Variants in FAM135B observed in about 807,000 individuals in gnomAD.
The protein encoded by FAM135B is family with sequence similarity 135 member B, also known as protein FAM135B.
In FAM135B, 43 loss-of-function variants were observed where a neutral mutation model predicts 127.7. The observed-to-expected ratio is 0.34, with a 90% CI of 0.26 to 0.43. FAM135B has a LOEUF of 0.43. Ranked by LOEUF, FAM135B falls within the 20% of genes least tolerant of loss-of-function variation. The pLI, the probability that FAM135B is intolerant of heterozygous loss-of-function variation, is 1.00. For synonymous variants in FAM135B, 670 were observed against 665.1 expected (o/e 1.01, Z -0.11); for missense variants, 1,558 against 1,725.6 (o/e 0.90, Z 1.72).
intron 1 of FAM135B, among the ~76,000 whole-genome samples, chr8:138,466,805 G>A (rs940522576): frequency 1.6e-4 from 25 of 152,126 alleles, no homozygotes; most frequent in Non-Finnish European, 3.5e-4. Context: ...AAAGTTTTAC[G>A]TCAACCTCAG....
At chr8:138,450,429 T>G (rs936673141) in intron 1 of FAM135B, 3 of 152,212 alleles carry the variant, frequency 2.0e-5, no homozygotes, top group African/African-American at 7.2e-5. Flanking sequence ...CCAAACTGCC[T>G]TCCACAGGGA....
At chr8:138,470,363 T>G (rs904219603) in intron 1 of FAM135B, among the ~76,000 whole-genome samples, 3 of 152,194 alleles carry the variant, frequency 2.0e-5, no homozygotes, top group Admixed American at 2.0e-4. Context: ...CATTTTATAT[T>G]TATACATTAA....
intron 1 of FAM135B, among the ~76,000 whole-genome samples, chr8:138,445,856 G>A (rs1009885822): frequency 6.6e-6 from 1 of 152,176 alleles, no homozygotes; most frequent in African/African-American, 2.4e-5. Context: ...AAAAGAGGAA[G>A]TCAAATTATC....
intron 1 of FAM135B, among the ~76,000 whole-genome samples, chr8:138,460,917 T>G (rs1837084469): frequency 6.6e-6 from 1 of 152,150 alleles, no homozygotes; most frequent in African/African-American, 2.4e-5. Context: ...AGATCTGGAC[T>G]GAGGTAGGGC....
At chr8:138,304,923 T>C (rs1255327673) in intron 3 of FAM135B, among the ~76,000 whole-genome samples, 1 of 152,172 alleles carries the variant, frequency 6.6e-6, no homozygotes, top group Non-Finnish European at 1.5e-5. Context: ...CTTCGCTTAA[T>C]CAGGAAGGCC....
chr8:138,398,133 G>A (rs1832948649), intron 1 of FAM135B, among the ~76,000 whole-genome samples: 1 of 152,136 alleles, frequency 6.6e-6, no homozygotes, highest in Admixed American at 6.5e-5. Flanking sequence ...GTGACCTTGG[G>A]GAAGCTGCTT....
chr8:138,142,147 C>G (rs779262613), intron 16 of FAM135B, among the ~76,000 whole-genome samples: 1 of 152,080 alleles, frequency 6.6e-6, no homozygotes, highest in East Asian at 1.9e-4. Context: ...GGGATTAGCA[C>G]TATGTCTACA....
chr8:138,174,609 A>C (rs960790591), intron 11 of FAM135B, among the ~76,000 whole-genome samples: 1 of 152,184 alleles, frequency 6.6e-6, no homozygotes, highest in Non-Finnish European at 1.5e-5. Flanking sequence ...ATCTTAGTCT[A>C]TGATTTATGT....
chr8:138,213,479 G>A (rs1057010363), intron 7 of FAM135B, among the ~76,000 whole-genome samples: 10 of 150,510 alleles, frequency 6.6e-5, no homozygotes, highest in Admixed American at 2.0e-4. Flanking sequence ...GCTAAATTCC[G>A]TGTGTTGTTT....
chr8:138,217,834 G>C (rs1818691951), intron 7 of FAM135B, among the ~76,000 whole-genome samples: 1 of 152,148 alleles, frequency 6.6e-6, no homozygotes, highest in Non-Finnish European at 1.5e-5. Context: ...CCTTCACGGA[G>C]TTTTTGTAGC....
At chr8:138,219,587 C>A (rs1378035834) in intron 7 of FAM135B, among the ~76,000 whole-genome samples, 1 of 152,148 alleles carries the variant, frequency 6.6e-6, no homozygotes, top group African/African-American at 2.4e-5. Context: ...GTCTAAGATA[C>A]CAAATGGACC....
chr8:138,388,168 G>A (rs1437473422), intron 1 of FAM135B, among the ~76,000 whole-genome samples: 1 of 152,060 alleles, frequency 6.6e-6, no homozygotes, highest in Non-Finnish European at 1.5e-5. Context: ...ACATCACCAG[G>A]AAAATGCAAA....
intron 1 of FAM135B, among the ~76,000 whole-genome samples, chr8:138,411,727 A>C (rs1833878963): frequency 6.6e-6 from 1 of 152,180 alleles, no homozygotes; most frequent in South Asian, 2.1e-4. Flanking sequence ...AAATTTTCGC[A>C]ACCTACTCAT....
chr8:138,254,233 A>G (rs1821908957), intron 5 of FAM135B, among the ~76,000 whole-genome samples: 1 of 152,186 alleles, frequency 6.6e-6, no homozygotes, highest in South Asian at 2.1e-4. Flanking sequence ...AATGTTTTAT[A>G]GTTGTTGAGT....
At chr8:138,314,463 G>A (rs778157705) in intron 2 of FAM135B, among the ~76,000 whole-genome samples, 1 of 151,980 alleles carries the variant, frequency 6.6e-6, no homozygotes, top group East Asian at 1.9e-4. Flanking sequence ...TTAAAAAGTG[G>A]GCAAACGCAA....
At chr8:138,206,182 C>A (rs1817551259) in intron 7 of FAM135B, among the ~76,000 whole-genome samples, 1 of 144,688 alleles carries the variant, frequency 6.9e-6, no homozygotes, top group East Asian at 2.0e-4. Flanking sequence ...CTGCAAGGCT[C>A]CAGCATCCCC....
intron 3 of FAM135B, among the ~76,000 whole-genome samples, chr8:138,273,257 G>T (rs551396007): frequency 1.3e-3 from 197 of 152,336 alleles, no homozygotes; most frequent in African/African-American, 4.6e-3. Flanking sequence ...CCAGGCTGGA[G>T]TGCAGTGGCG....
At chr8:138,198,455 T>C (rs1816840861) in intron 7 of FAM135B, among the ~76,000 whole-genome samples, 1 of 152,120 alleles carries the variant, frequency 6.6e-6, no homozygotes, top group Non-Finnish European at 1.5e-5. Flanking sequence ...TGTGGGCTCC[T>C]TTGCAGAGAG....
In FAM135B at chr8:138,257,892, A is replaced by T. The variant is rs533733346; in HGVS notation, c.298-1133T>A. ...TCTACAAAAAATAAAAAATAAAAAA[A>T]AAAATAAAACAAAACAAAACAAAAC... On this transcript the variant is annotated intron_variant, in intron 4 of 19. Coordinates refer to ENST00000395297, the MANE Select transcript of FAM135B (RefSeq NM_015912.4). 3.7e-3 allele frequency among the ~76,000 whole-genome samples: 525 copies of T among 142,278 alleles called. 1 individual carries two copies. The highest frequency in any genetic ancestry group is 5.2e-3 in the African/African-American group (212 of 40,858). 93.3% of individuals were successfully genotyped at this position (142,278 alleles called of 152,430 possible). A position where few individuals can be genotyped will look rare whatever the true frequency, so the allele number is the denominator to read the frequency against.
Sources: allele counts gnomAD v4.1 joint callset (sites outside exome capture counted in the v4.1 genomes callset), GRCh38; gene constraint gnomAD v4.1.1; transcripts MANE v1.5; gene names NCBI Gene and HGNC (gene_info 2026-07-23, HGNC 2026-07-21).